The following FGF13 variants were observed in gnomAD, a reference collection of about 807,000 sequenced individuals.
FGF13 encodes fibroblast growth factor homologous factor 2.
In FGF13, 2 loss-of-function variants were observed where a neutral mutation model predicts 19.5. The ratio of observed to expected loss-of-function variants is 0.10; its 90% CI spans 0.04 to 0.32. The LOEUF (loss-of-function observed/expected upper bound fraction) is 0.32, where lower values mean the gene tolerates loss of function less well. Among genes scored for constraint, FGF13 ranks in the 10% least tolerant of loss-of-function variants. The probability of loss-of-function intolerance (pLI) is 1.00; values close to 1 mark genes in which losing one functional copy is unlikely to be tolerated. For synonymous variants in FGF13, 72 were observed against 76.9 expected (o/e 0.94, Z 0.33); for missense variants, 113 against 192.7 (o/e 0.59, Z 2.45).
intron 1 of FGF13, among the ~76,000 whole-genome samples, chrX:139,094,675 A>G: frequency 8.9e-6 from 1 of 112,638 alleles, no homozygotes; most frequent in Non-Finnish European, 1.9e-5. Context: ...AATAAAGAAC[A>G]TATTCCATAG....
intron 3 of FGF13, among the ~76,000 whole-genome samples, chrX:138,780,122 T>C (rs965672449): frequency 1.7e-3 from 189 of 108,235 alleles, no homozygotes; most frequent in African/African-American, 6.1e-3. Context: ...GCTGAGAGAT[T>C]TTGTCACCAC....
At chrX:139,152,514 G>A (rs1256937358) in intron 1 of FGF13, among the ~76,000 whole-genome samples, 1 of 109,868 alleles carries the variant, frequency 9.1e-6, no homozygotes, top group African/African-American at 3.3e-5. Context: ...AAATATGTGG[G>A]GGGAAAGGTT....
chrX:138,973,164 G>T (rs2091925705), intron 1 of FGF13, among the ~76,000 whole-genome samples: 1 of 111,410 alleles, frequency 9.0e-6, no homozygotes, highest in Admixed American at 9.5e-5. Flanking sequence ...ATTCTCTCTT[G>T]GAGCTGCCTT....
At chrX:138,685,362 T>TG (rs1406252454) in intron 3 of FGF13, among the ~76,000 whole-genome samples, 1 of 111,186 alleles carries the variant, frequency 9.0e-6, no homozygotes, top group Non-Finnish European at 1.9e-5. Context: ...AATGGTTTCT[T>TG]GGCCAGCACC....
intron 1 of FGF13, among the ~76,000 whole-genome samples, chrX:139,007,688 G>A (rs1464301044): frequency 1.8e-5 from 2 of 112,326 alleles, no homozygotes; most frequent in Non-Finnish European, 3.8e-5. Context: ...TAGGAAACAG[G>A]ACAAGCTTGC....
At chrX:138,757,455 C>T (rs2090438601) in intron 3 of FGF13, among the ~76,000 whole-genome samples, 1 of 111,407 alleles carries the variant, frequency 9.0e-6, no homozygotes, top group African/African-American at 3.3e-5. Flanking sequence ...CTAAAAACAA[C>T]TATTTTGCTG....
chrX:139,118,105 A>G (rs758505690), intron 1 of FGF13, among the ~76,000 whole-genome samples: 23 of 111,513 alleles, frequency 2.1e-4, no homozygotes, highest in Non-Finnish European at 3.6e-4. Context: ...AGAGGAGTAC[A>G]TATGGCAGTT....
intron 3 of FGF13, among the ~76,000 whole-genome samples, chrX:138,796,355 A>C (rs1490807000): frequency 9.0e-6 from 1 of 111,693 alleles, no homozygotes; most frequent in East Asian, 2.8e-4. Context: ...TTTGCTGAGA[A>C]TGATGGTTTC....
rs191585493 is a variant in FGF13, at chrX:139,176,912, G to A, written c.-113+26504C>T. Among the ~76,000 whole-genome samples, 264 of 111,865 alleles carry A rather than the reference G, an allele frequency of 2.4e-3. 1 individual carries two copies. The highest frequency in any genetic ancestry group is 8.0e-3 in the African/African-American group (245 of 30,763). On this transcript the variant is annotated intron_variant, in intron 1 of 2. Transcript: ENST00000421460. ...TTCATTTGGGGTGGAGAGTTCTGTAGATGTCTATTAGGTCTGCTTCGTCCA... is the reference window on the plus strand; with the variant it reads ...TTCATTTGGGGTGGAGAGTTCTGTAAATGTCTATTAGGTCTGCTTCGTCCA...
At chrX:138,668,867 TA>T (rs1161308910) in intron 3 of FGF13, among the ~76,000 whole-genome samples, 1 of 110,301 alleles carries the variant, frequency 9.1e-6, no homozygotes, top group African/African-American at 3.3e-5. Flanking sequence ...AAAGGAGAAA[TA>T]AGGTAAGGAC....
chrX:139,175,837 T>C (rs2084177333), intron 1 of FGF13, among the ~76,000 whole-genome samples: 1 of 112,303 alleles, frequency 8.9e-6, no homozygotes, highest in Non-Finnish European at 1.9e-5. Flanking sequence ...TCTATGTTCA[T>C]CATGGATATT....
intron 3 of FGF13, among the ~76,000 whole-genome samples, chrX:138,798,521 T>G (rs2090798050): frequency 9.0e-6 from 1 of 111,065 alleles, no homozygotes; most frequent in Admixed American, 9.6e-5. Context: ...GCCTGATTTT[T>G]TTTTCTTTTT....
intron 1 of FGF13, among the ~76,000 whole-genome samples, chrX:138,918,672 A>G (rs1016169212): frequency 1.8e-5 from 2 of 111,707 alleles, no homozygotes; most frequent in Admixed American, 1.9e-4. Context: ...TGGGGGACAC[A>G]GGTGAGTAAA....
intron 1 of FGF13, among the ~76,000 whole-genome samples, chrX:138,989,752 G>GAAAA (rs5903990): frequency 9.8e-6 from 1 of 102,388 alleles, no homozygotes. Context: ...ACTATTAACT[G>GAAAA]AAAAAAAAAA....
chrX:138,660,589 C>T (rs1046949260), intron 3 of FGF13, among the ~76,000 whole-genome samples: 1 of 111,415 alleles, frequency 9.0e-6, no homozygotes, highest in Non-Finnish European at 1.9e-5. Flanking sequence ...TCACCTCAAG[C>T]ACTTACCCTT....
chrX:138,794,495 T>C (rs2090763545), intron 3 of FGF13, among the ~76,000 whole-genome samples: 1 of 111,686 alleles, frequency 9.0e-6, no homozygotes, highest in Non-Finnish European at 1.9e-5. Flanking sequence ...TGCGACATCA[T>C]ATGATTCAGC....
intron 3 of FGF13, among the ~76,000 whole-genome samples, chrX:138,698,479 T>C (rs972928299): frequency 8.1e-5 from 9 of 111,617 alleles, no homozygotes; most frequent in Non-Finnish European, 1.1e-4. Flanking sequence ...CAGAAAAACA[T>C]TGGTATCAGG....
chrX:138,945,658 C>T (rs961461062), intron 1 of FGF13, among the ~76,000 whole-genome samples: 3 of 110,818 alleles, frequency 2.7e-5, no homozygotes, highest in African/African-American at 9.9e-5. Context: ...TATGCATGAA[C>T]TAAAAAGAAT....
intron 1 of FGF13, among the ~76,000 whole-genome samples, chrX:139,008,966 G>A (rs2092116623): frequency 9.0e-6 from 1 of 111,448 alleles, no homozygotes; most frequent in African/African-American, 3.3e-5. Flanking sequence ...TCCAGAAAAT[G>A]AAAGGAAAAT....
Sources: gnomAD v4.1 joint callset for allele counts (sites outside exome capture counted in the v4.1 genomes callset) on GRCh38, gnomAD v4.1.1 for gene constraint, MANE v1.5 for transcripts, NCBI Gene and HGNC (gene_info 2026-07-23, HGNC 2026-07-21) for gene names.